WNK3: variants seen among roughly 807,000 people sequenced by gnomAD.
WNK3 encodes the protein serine/threonine-protein kinase WNK3.
A neutral mutation model predicts 116.7 loss-of-function variants in WNK3; 18 were observed. That is an observed-to-expected ratio of 0.15 (90% CI 0.11 to 0.23). WNK3 has a LOEUF of 0.23. Among genes scored for constraint, WNK3 ranks in the 10% least tolerant of loss-of-function variants. WNK3 has a pLI of 1.00. For synonymous variants in WNK3, 404 were observed against 469.4 expected (o/e 0.86, Z 1.80); for missense variants, 993 against 1,323.8 (o/e 0.75, Z 3.88).
intron 22 of WNK3, among the ~76,000 whole-genome samples, chrX:54,209,039 A>G (rs782021604): frequency 3.1e-4 from 35 of 111,487 alleles, no homozygotes; most frequent in African/African-American, 1.1e-3. Flanking sequence ...TTCAGGATAA[A>G]TCACATTATT....
intron 10 of WNK3, among the ~76,000 whole-genome samples, chrX:54,259,941 T>C (rs1557156357): frequency 8.9e-6 from 1 of 112,107 alleles, no homozygotes; most frequent in Non-Finnish European, 1.9e-5. Context: ...GATCTTAGAA[T>C]GCAAATCTAA....
intron 10 of WNK3, among the ~76,000 whole-genome samples, chrX:54,292,480 G>A (rs1195004494): frequency 9.1e-5 from 10 of 110,416 alleles, no homozygotes; most frequent in African/African-American, 2.0e-4. Context: ...CGAGGCAGGC[G>A]GATCACCTGA....
intron 22 of WNK3, among the ~76,000 whole-genome samples, chrX:54,205,357 A>T (rs2067543678): frequency 8.9e-6 from 1 of 112,266 alleles, no homozygotes; most frequent in African/African-American, 3.2e-5. Context: ...CCACTAAGGG[A>T]AATAAAATGT....
chrX:54,308,540 G>A (rs191312223), intron 4 of WNK3, among the ~76,000 whole-genome samples: 146 of 111,705 alleles, frequency 1.3e-3, no homozygotes, highest in Non-Finnish European at 1.3e-3. Context: ...TCTACATAAA[G>A]CACTGAAATA....
At chrX:54,352,383 T>C (rs1263518566) in intron 1 of WNK3, among the ~76,000 whole-genome samples, 1 of 111,293 alleles carries the variant, frequency 9.0e-6, no homozygotes, top group Non-Finnish European at 1.9e-5. Context: ...CTCAACAAGT[T>C]AAACATAGGG....
At chrX:54,322,938 A>G (rs1014960717) in intron 2 of WNK3, among the ~76,000 whole-genome samples, 1 of 111,501 alleles carries the variant, frequency 9.0e-6, no homozygotes, top group African/African-American at 3.3e-5. Context: ...TAAAACTAAC[A>G]GGTTAATGCC....
intron 22 of WNK3, among the ~76,000 whole-genome samples, chrX:54,209,084 C>T (rs924264279): frequency 5.4e-5 from 6 of 111,487 alleles, no homozygotes; most frequent in Admixed American, 9.6e-5. Flanking sequence ...AACTATTTAC[C>T]GGTTAGGGAA....
chrX:54,300,165 G>A (rs1284188494), intron 6 of WNK3, among the ~76,000 whole-genome samples: 1 of 110,030 alleles, frequency 9.1e-6, no homozygotes, highest in Non-Finnish European at 1.9e-5. Context: ...CAGCCTGTTT[G>A]TTTTTAAGAC....
intron 1 of WNK3, among the ~76,000 whole-genome samples, chrX:54,349,448 A>T (rs782718928): frequency 8.9e-6 from 1 of 112,231 alleles, no homozygotes; most frequent in African/African-American, 3.2e-5. Flanking sequence ...TACAACACCT[A>T]CATAAAGAAA....
chrX:54,314,574 G>A (rs1395670559), intron 2 of WNK3, among the ~76,000 whole-genome samples: 1 of 111,172 alleles, frequency 9.0e-6, no homozygotes, highest in East Asian at 2.8e-4. Context: ...TTTAAGACCA[G>A]CCTGAGCAAC....
chrX:54,210,049 C>A (rs916546407), intron 22 of WNK3, among the ~76,000 whole-genome samples: 4 of 111,734 alleles, frequency 3.6e-5, no homozygotes, highest in African/African-American at 1.3e-4. Flanking sequence ...TCCCTGCTGA[C>A]AACTTATGAA....
chrX:54,254,087 C>T lies in WNK3; in HGVS notation c.2251-12G>A, dbSNP rs2068164978. ...CCAGAGGTTGATACCTGAGTACAAA[C>T]ATTTTACCGGTTTAAGAGTCAATCA... is the stretch of plus-strand genomic sequence containing the variant. On this transcript the variant is annotated splice_polypyrimidine_tract_variant and intron_variant, in intron 12 of 23. Coordinates refer to ENST00000354646, the Ensembl canonical transcript of WNK3. The T allele has an allele frequency of 8.9e-7, 1 of 1,125,454 alleles. No homozygotes were observed. The allele number at this position is 1,125,454 out of a possible 1,213,427, so 92.8% of individuals were successfully genotyped here. A position where few individuals can be genotyped will look rare whatever the true frequency, so the allele number is the denominator to read the frequency against.
intron 7 of WNK3, among the ~76,000 whole-genome samples, chrX:54,295,801 C>A (rs2068692275): frequency 9.0e-6 from 1 of 111,568 alleles, no homozygotes; most frequent in African/African-American, 3.3e-5. Context: ...GATCCTCCCA[C>A]CTCAGCCTCC....
chrX:54,251,748 T>C (rs1462220609), intron 13 of WNK3, 61 bp from the exon 14 acceptor site: 2 of 1,063,119 alleles, frequency 1.9e-6, no homozygotes, highest in Non-Finnish European at 2.5e-6. Flanking sequence ...TATAATATTA[T>C]ATAAATAGTG....
rs781833978 is a variant in WNK3, at chrX:54,193,784, G to A, written c.*4540C>T. Reference sequence around the variant, plus strand: ...TCAAGTTTGAGTGTTACTATCTTACGATCTGCATTTTTAAAATTTCAATCT... The same window carrying A: ...TCAAGTTTGAGTGTTACTATCTTACAATCTGCATTTTTAAAATTTCAATCT... On this transcript the variant is annotated 3_prime_UTR_variant, in exon 24 of 24. Coordinates refer to ENST00000354646, the Ensembl canonical transcript of WNK3. 3 of 110,857 alleles carry A rather than the reference G, an allele frequency of 2.7e-5. No individual in the cohort carries two copies. The South Asian group carries it at 1.1e-3, about 42-fold the overall frequency. 9.1% of individuals were successfully genotyped at this position (110,857 alleles called of 1,213,427 possible). A position where few individuals can be genotyped will look rare whatever the true frequency, so the allele number is the denominator to read the frequency against.
chrX:54,276,352 C>CAA (rs782506461), intron 10 of WNK3, among the ~76,000 whole-genome samples: 35 of 106,747 alleles, frequency 3.3e-4, no homozygotes, highest in Admixed American at 1.2e-3. Flanking sequence ...AACAAACAAA[C>CAA]AAAAAAAAAC....
At chrX:54,240,724 A>C (rs1180611118) in intron 17 of WNK3, among the ~76,000 whole-genome samples, 1 of 111,568 alleles carries the variant, frequency 9.0e-6, no homozygotes, top group African/African-American at 3.3e-5. Context: ...AACTAAAAAG[A>C]TGAGTGGTAG....
chrX:54,301,540 G>GCA (rs1449911740), intron 6 of WNK3, among the ~76,000 whole-genome samples: 2 of 110,163 alleles, frequency 1.8e-5, no homozygotes, highest in East Asian at 2.8e-4. Context: ...TTGTCAAAAG[G>GCA]CACACACACA....
At chrX:54,240,883 C>T (rs2068015477) in intron 17 of WNK3, among the ~76,000 whole-genome samples, 1 of 111,655 alleles carries the variant, frequency 9.0e-6, no homozygotes, top group Non-Finnish European at 1.9e-5. Flanking sequence ...CTTTCCCTGA[C>T]TACCATATAT....
Sources: allele counts gnomAD v4.1 joint callset (sites outside exome capture counted in the v4.1 genomes callset), GRCh38; gene constraint gnomAD v4.1.1; transcripts MANE v1.5; gene names NCBI Gene and HGNC (gene_info 2026-07-23, HGNC 2026-07-21).